Variants in TRIM42 observed in about 807,000 individuals in gnomAD.
The protein encoded by TRIM42 is tripartite motif-containing protein 42.
TRIM42 carries 59 observed loss-of-function variants against 64.9 expected under a neutral mutation model. The ratio of observed to expected loss-of-function variants is 0.91; its 90% CI spans 0.74 to 1.13. The LOEUF (loss-of-function observed/expected upper bound fraction) is 1.13, where lower values mean the gene tolerates loss of function less well. TRIM42 is among the 50% of genes most tolerant of loss of function. The pLI is 0.00. For missense variants in TRIM42, 878 were observed against 929.5 expected, an observed-to-expected ratio of 0.94 and a Z score of 0.72; for synonymous variants, 354 against 346.3, an observed-to-expected ratio of 1.02 and a Z score of -0.25.
chr3:140,688,550 A>G lies in TRIM42; in HGVS notation c.1860+8A>G, dbSNP rs199898369. 3.2e-4 allele frequency: 505 copies of G among 1,598,434 alleles called. No homozygotes were observed. Among genetic ancestry groups the G allele is most frequent in the Middle Eastern group, 8.4e-4 (5 of 5,964 alleles). ...TACCCAAGAGCTGCCAAGGTAAGAA[A>G]GGTTCTGGGCCCAGTGGGGAAGTGG... On this transcript the variant is annotated splice_region_variant and intron_variant, in intron 3 of 4. Transcript: ENST00000286349.
rs150809360 is a variant in TRIM42, at chr3:140,678,421, T to C, written c.192T>C (p.His64=). 108 of 1,614,076 alleles carry C rather than the reference T, an allele frequency of 6.7e-5. No homozygotes were observed. Among genetic ancestry groups the C allele is most frequent in the Middle Eastern group, 3.3e-4 (2 of 6,084 alleles). ...CCTGTTCTGAGAGCCCCAACTGCCA[T>C]TGGTGTTGCTGCTCTTGGGCCAATG... is the stretch of plus-strand genomic sequence containing the variant. ...HCTCSESPNC[H]WCCCSWANDP... is the part of the protein sequence containing the mutation. Residue 64 remains histidine, a synonymous_variant, in exon 1 of 5, where the codon CAT becomes CAC. Coordinates refer to ENST00000286349, the MANE Select transcript of TRIM42 (RefSeq NM_152616.5).
chr3:140,701,034 T>G lies in TRIM42; in HGVS notation c.*60T>G. The G allele has an allele frequency of 7.2e-7, 1 of 1,388,832 alleles. No homozygotes were observed. 86.0% of individuals were successfully genotyped at this position (1,388,832 alleles called of 1,614,324 possible). ...CACAAAGTAGACATATACACACACA[T>G]ATATGTATGTATATTTTTCTCACCA... On this transcript the variant is annotated 3_prime_UTR_variant, in exon 5 of 5. Transcript: ENST00000286349.
At chr3:140,681,811 A>C (rs1230574396) in intron 1 of TRIM42, among the ~76,000 whole-genome samples, 2 of 152,040 alleles carry the variant, frequency 1.3e-5, no homozygotes, top group Non-Finnish European at 1.5e-5. Context: ...AATCTATTGA[A>C]TATCTTAATA....
chr3:140,691,798 C>T (rs183998691), intron 4 of TRIM42, among the ~76,000 whole-genome samples: 10 of 152,264 alleles, frequency 6.6e-5, no homozygotes, highest in Admixed American at 6.5e-4. Flanking sequence ...CCAAGACTTA[C>T]TCTTCTTTAT....
rs987840869 is a variant in TRIM42, at chr3:140,682,776, T to G, written c.656T>G (p.Met219Arg). ...CACGGGCGTCTCACCAAGCGCTACA[T>G]GCAGGAGCACGGCTACCTCAAGTGG... ...YLHGRLTKRY[M>R]QEHGYLKWRF... is the part of the protein sequence containing the mutation. Residue 219 changes from methionine to arginine, a missense_variant, in exon 2 of 5, where the codon ATG becomes AGG. Coordinates refer to ENST00000286349, the MANE Select transcript of TRIM42 (RefSeq NM_152616.5). The G allele has an allele frequency of 1.9e-5, 30 of 1,613,460 alleles. No individual in the cohort carries two copies. Among genetic ancestry groups the G allele is most frequent in the Non-Finnish European group, 2.4e-5 (28 of 1,180,050 alleles).
chr3:140,682,354 C>T (rs933468542), intron 1 of TRIM42, 108 bp from the exon 2 acceptor site: 2 of 1,103,088 alleles, frequency 1.8e-6, no homozygotes, highest in African/African-American at 1.6e-5. Flanking sequence ...GGCTCCTCAC[C>T]ACCACACTAG....
chr3:140,684,790 G>A (rs1462301297), intron 2 of TRIM42, among the ~76,000 whole-genome samples: 1 of 152,216 alleles, frequency 6.6e-6, no homozygotes, highest in Non-Finnish European at 1.5e-5. Context: ...GGGACTCACT[G>A]CCTCCCTAGG....
At chr3:140,679,007 A>C (rs1988286925) in intron 1 of TRIM42, among the ~76,000 whole-genome samples, 1 of 151,996 alleles carries the variant, frequency 6.6e-6, no homozygotes. Context: ...GGAACCTAAA[A>C]TTTGGGATCT....
chr3:140,682,360 A>C, intron 1 of TRIM42, 102 bp from the exon 2 acceptor site: 2 of 1,176,386 alleles, frequency 1.7e-6, no homozygotes, highest in Non-Finnish European at 2.4e-6. Context: ...TCACCACCAC[A>C]CTAGACTGCC....
intron 2 of TRIM42, among the ~76,000 whole-genome samples, chr3:140,686,298 T>C (rs990061070): frequency 6.6e-6 from 1 of 152,234 alleles, no homozygotes; most frequent in African/African-American, 2.4e-5. Flanking sequence ...TTCTCAGCAC[T>C]GAAATCGGAC....
rs907801026 is a variant in TRIM42, at chr3:140,678,747, A to G, written c.341+177A>G. On this transcript the variant is annotated intron_variant, in intron 1 of 4. Coordinates refer to ENST00000286349, the MANE Select transcript of TRIM42 (RefSeq NM_152616.5). The stretch of plus-strand genomic sequence containing the variant: ...TATCCTAAATGGTCACTATGTATGT[A>G]GACCATGAGCTCCAAATCTAAGCGC... 5.9e-5 allele frequency among the ~76,000 whole-genome samples: 9 copies of G among 152,234 alleles called. No individual in the cohort carries two copies. The South Asian group carries it at 6.2e-4, about 11-fold the overall frequency.
At position 140,678,565 on chromosome 3, in the gene TRIM42, T is replaced by C. The variant is rs1474570287; in HGVS notation, c.336T>C (p.His112=). The C allele has an allele frequency of 3.7e-6, 6 of 1,611,224 alleles. No individual in the cohort carries two copies. Among genetic ancestry groups the C allele is most frequent in the Non-Finnish European group, 4.2e-6 (5 of 1,178,048 alleles). Residue 112 remains histidine, a synonymous_variant, in exon 1 of 5, where the codon CAT becomes CAC. Coordinates refer to ENST00000286349, the MANE Select transcript of TRIM42 (RefSeq NM_152616.5). ...TFHKGRLRSI[H]TSSKTALRTG... ...ACAAGGGCCGCCTCAGGAGCATCCA[T>C]ACCTCGTAAGTGCCAGGCACCAGAT...
At chr3:140,683,384 GAA>G (rs1344760966) in intron 2 of TRIM42, among the ~76,000 whole-genome samples, 1 of 151,942 alleles carries the variant, frequency 6.6e-6, no homozygotes, top group Admixed American at 6.6e-5. Flanking sequence ...TCTCACCTAT[GAA>G]ACGGGAATAG....
At chr3:140,683,898 G>T (rs950846183) in intron 2 of TRIM42, among the ~76,000 whole-genome samples, 2 of 152,156 alleles carry the variant, frequency 1.3e-5, no homozygotes, top group African/African-American at 4.8e-5. Flanking sequence ...TTCAGTGATG[G>T]AAACAAGCAT....
At chr3:140,689,067 C>T (rs889713091) in intron 3 of TRIM42, among the ~76,000 whole-genome samples, 6 of 152,194 alleles carry the variant, frequency 3.9e-5, no homozygotes, top group African/African-American at 9.7e-5. Flanking sequence ...AGATTCAACC[C>T]GCCTTGAAGG....
In TRIM42 at chr3:140,688,414, G is replaced by A. The variant is rs1205545400; in HGVS notation, c.1732G>A (p.Gly578Arg). 6.2e-7 allele frequency: 1 copy of A among 1,614,056 alleles called. No individual in the cohort carries two copies. Among genetic ancestry groups the A allele is most frequent in the African/African-American group, 1.3e-5 (1 of 74,908 alleles). ...CGGCCTCTACACCTACTGGAGTGCT[G>A]GAGCAGACAGCCAGTCTGTACAGAA... ...TDGLYTYWSA[G>R]ADSQSVQNSS... Residue 578 changes from glycine to arginine, a missense_variant, in exon 3 of 5, where the codon GGA becomes AGA. By Grantham distance (125) the Gly-to-Arg change is moderately radical. Transcript: ENST00000286349.
Position 140,680,402 on chromosome 3 carries a change from C to T in TRIM42, c.341+1832C>T, listed in dbSNP as rs116662360. ...TCTTTTTGTCACTTCCTTTTTCACCCCTAACACAGCTCCCTAGGCCATTAA... is the reference window on the plus strand; with the variant it reads ...TCTTTTTGTCACTTCCTTTTTCACCTCTAACACAGCTCCCTAGGCCATTAA... On this transcript the variant is annotated intron_variant, in intron 1 of 4. Coordinates refer to ENST00000286349, the MANE Select transcript of TRIM42 (RefSeq NM_152616.5). 2.5e-3 allele frequency among the ~76,000 whole-genome samples: 375 copies of T among 152,150 alleles called. 3 individuals are homozygous for T. Among genetic ancestry groups the T allele is most frequent in the African/African-American group, 8.8e-3 (367 of 41,480 alleles).
chr3:140,682,967 G>C lies in TRIM42; in HGVS notation c.847G>C (p.Glu283Gln), dbSNP rs1250313209. The C allele has an allele frequency of 2.5e-6, 4 of 1,614,202 alleles. No homozygotes were observed. The highest frequency in any genetic ancestry group is 3.4e-6 in the Non-Finnish European group (4 of 1,180,044). ...CCACGTCTTTGTGGACACCAGCGCC[G>C]AGGAACAGGACGAGAAGATCTGCAT... ...QDHVFVDTSA[E>Q]EQDEKICIHH... Residue 283 changes from glutamate to glutamine, a missense_variant, in exon 2 of 5, where the codon GAG becomes CAG. Transcript: ENST00000286349.
intron 4 of TRIM42, among the ~76,000 whole-genome samples, chr3:140,695,362 A>ATT (rs1437239435): frequency 6.6e-6 from 1 of 152,194 alleles, no homozygotes; most frequent in Non-Finnish European, 1.5e-5. Flanking sequence ...GGGGTCCATT[A>ATT]TTCTGTCTAC....
Sources: allele counts gnomAD v4.1 joint callset (sites outside exome capture counted in the v4.1 genomes callset), GRCh38; gene constraint gnomAD v4.1.1; transcripts MANE v1.5; gene names NCBI Gene and HGNC (gene_info 2026-07-23, HGNC 2026-07-21).